Variants in NAA11 observed in about 807,000 individuals in gnomAD.
The protein encoded by NAA11 is N-alpha-acetyltransferase 11.
In NAA11, 15 loss-of-function variants were observed where a neutral mutation model predicts 16.1. The observed-to-expected ratio is 0.93, with a 90% CI of 0.62 to 1.44. The LOEUF (loss-of-function observed/expected upper bound fraction) is 1.44. NAA11 is among the 40% of genes most tolerant of loss of function. NAA11 has a pLI of 0.00. For synonymous variants in NAA11, 122 were observed against 112.4 expected, an observed-to-expected ratio of 1.09 and a Z score of -0.54; for missense variants, 298 against 291.3, an observed-to-expected ratio of 1.02 and a Z score of -0.17.
At chr4:79,262,578 A>G (rs147742530) in intron 2 of NAA11, among the ~76,000 whole-genome samples, 1 of 152,136 alleles carries the variant, frequency 6.6e-6, no homozygotes, top group Non-Finnish European at 1.5e-5. Context: ...AACTTTTGCA[A>G]GTATTCTCAG....
At chr4:79,201,391 TC>T in the NAA11 span, among the ~76,000 whole-genome samples, 2 of 151,774 alleles carry the variant, frequency 1.3e-5, no homozygotes, top group African/African-American at 4.8e-5. Flanking sequence ...CAATACTTTT[TC>T]AACAGTATTG....
chr4:79,292,262 T>C (rs1723104245), intron 2 of NAA11, among the ~76,000 whole-genome samples: 1 of 152,146 alleles, frequency 6.6e-6, no homozygotes, highest in Non-Finnish European at 1.5e-5. Context: ...ACAGAATCAG[T>C]TTAATATAGA....
intron 1 of NAA11, among the ~76,000 whole-genome samples, chr4:79,323,028 A>G (rs866434260): frequency 6.6e-6 from 1 of 152,226 alleles, no homozygotes; most frequent in African/African-American, 2.4e-5. Context: ...TAATATAAAC[A>G]TCAGTCTGTC....
chr4:79,157,610 T>C, the NAA11 span, among the ~76,000 whole-genome samples: 1 of 151,876 alleles, frequency 6.6e-6, no homozygotes, highest in African/African-American at 2.4e-5. Context: ...TACACACATA[T>C]ATATACACAT....
Position 79,291,379 on chromosome 4 carries a change from C to T in NAA11, c.*122+2626G>A, listed in dbSNP as rs1723081274. On this transcript the variant is annotated intron_variant and NMD_transcript_variant, in intron 2 of 2. Transcript: ENST00000511542. ...TAGGGGGTCTGAGGCAGGAGGATCA[C>T]TTCAGCCCAAGAGATCGAGGCTGAA... is the stretch of plus-strand genomic sequence containing the variant. Among the ~76,000 whole-genome samples the T allele has an allele frequency of 3.9e-5, 6 of 152,184 alleles. No individual in the cohort carries two copies. The South Asian group carries it at 1.2e-3, about 32-fold the overall frequency.
At chr4:79,305,370 A>G (rs1480409789) in intron 1 of NAA11, among the ~76,000 whole-genome samples, 1 of 152,240 alleles carries the variant, frequency 6.6e-6, no homozygotes, top group African/African-American at 2.4e-5. Flanking sequence ...CATATTTCAC[A>G]AAGTAAAACA....
intron 2 of NAA11, among the ~76,000 whole-genome samples, chr4:79,281,663 A>C (rs1278631284): frequency 6.6e-6 from 1 of 152,134 alleles, no homozygotes; most frequent in Non-Finnish European, 1.5e-5. Context: ...ATCTGATTAC[A>C]TAGACAGTAC....
At chr4:79,321,911 C>T (rs1724100061) in intron 1 of NAA11, among the ~76,000 whole-genome samples, 1 of 152,080 alleles carries the variant, frequency 6.6e-6, no homozygotes, top group Non-Finnish European at 1.5e-5. Context: ...AATTTTTCTG[C>T]TTCACCAGAT....
At chr4:79,176,207 A>T in the NAA11 span, among the ~76,000 whole-genome samples, 1 of 152,172 alleles carries the variant, frequency 6.6e-6, no homozygotes, top group Non-Finnish European at 1.5e-5. Context: ...AGCCTTTATA[A>T]AGCTGAAGGC....
chr4:79,297,421 G>C (rs750868920), intron 1 of NAA11, among the ~76,000 whole-genome samples: 1 of 152,174 alleles, frequency 6.6e-6, no homozygotes, highest in Non-Finnish European at 1.5e-5. Flanking sequence ...ACTCCATGGA[G>C]TGGGCGAGAG....
the NAA11 span, among the ~76,000 whole-genome samples, chr4:79,187,837 A>C: frequency 1.1e-4 from 16 of 151,988 alleles, no homozygotes; most frequent in Middle Eastern, 3.4e-3. Context: ...ACTACTAAAA[A>C]ATACAAAAAA....
chr4:79,174,512 T>A, the NAA11 span, among the ~76,000 whole-genome samples: 1 of 152,128 alleles, frequency 6.6e-6, no homozygotes, highest in South Asian at 2.1e-4. Context: ...GGCTCCTTTT[T>A]CTTACAATTT....
chr4:79,253,070 T>A (rs1722031037), intron 2 of NAA11, among the ~76,000 whole-genome samples: 1 of 152,142 alleles, frequency 6.6e-6, no homozygotes, highest in Non-Finnish European at 1.5e-5. Flanking sequence ...TATTTTGAAG[T>A]TTAAGTCAAC....
At chr4:79,235,845 A>G (rs1382869147) in intron 2 of NAA11, among the ~76,000 whole-genome samples, 6 of 151,998 alleles carry the variant, frequency 3.9e-5, no homozygotes, top group Non-Finnish European at 1.5e-5. Flanking sequence ...AACACTTCTA[A>G]CCATTTAATT....
intron 2 of NAA11, among the ~76,000 whole-genome samples, chr4:79,277,439 A>G (rs776587211): frequency 6.6e-6 from 1 of 152,128 alleles, no homozygotes; most frequent in Non-Finnish European, 1.5e-5. Flanking sequence ...AGCTATGTTT[A>G]AAAAGTTTGA....
chr4:79,177,629 G>A, the NAA11 span, among the ~76,000 whole-genome samples: 1 of 152,064 alleles, frequency 6.6e-6, no homozygotes, highest in Admixed American at 6.6e-5. Flanking sequence ...CTTGTACCAA[G>A]CCTAATTTTG....
At chr4:79,201,719 T>C in the NAA11 span, among the ~76,000 whole-genome samples, 1 of 151,746 alleles carries the variant, frequency 6.6e-6, no homozygotes, top group Non-Finnish European at 1.5e-5. Flanking sequence ...CATGTGAGCC[T>C]TGCAGTTCTC....
At chr4:79,314,267 C>A (rs1426522856), downstream of NAA11, among the ~76,000 whole-genome samples, 1 of 152,018 alleles carries the variant, frequency 6.6e-6, no homozygotes, top group African/African-American at 2.4e-5. Flanking sequence ...TTATAATAAA[C>A]AAAATTTTGT....
the NAA11 span, among the ~76,000 whole-genome samples, chr4:79,202,619 AGT>A: frequency 1.5e-5 from 1 of 68,670 alleles, no homozygotes; most frequent in Non-Finnish European, 3.2e-5. Flanking sequence ...AGTTATATAT[AGT>A]TTTATATATA....
Sources: allele counts gnomAD v4.1 joint callset (sites outside exome capture counted in the v4.1 genomes callset), GRCh38; gene constraint gnomAD v4.1.1; transcripts MANE v1.5; gene names NCBI Gene and HGNC (gene_info 2026-07-23, HGNC 2026-07-21).